EFCAB6: variants seen among roughly 807,000 people sequenced by gnomAD.
The protein encoded by EFCAB6 is EF-hand calcium-binding domain-containing protein 6.
EFCAB6 carries 156 observed loss-of-function variants against 169.8 expected under a neutral mutation model. That is an observed-to-expected ratio of 0.92 (90% CI 0.81 to 1.05). EFCAB6 has a LOEUF of 1.05. Ranked by LOEUF, EFCAB6 falls within the 50% of genes least tolerant of loss-of-function variation. The pLI, the probability that EFCAB6 is intolerant of heterozygous loss-of-function variation, is 0.00. For missense variants in EFCAB6, 1,800 were observed against 1,829.1 expected, an observed-to-expected ratio of 0.98 and a Z score of 0.29; for synonymous variants, 698 against 676.4, an observed-to-expected ratio of 1.03 and a Z score of -0.50.
At chr22:43,556,828 C>T (rs766293507) in intron 26 of EFCAB6, among the ~76,000 whole-genome samples, 13 of 152,194 alleles carry the variant, frequency 8.5e-5, no homozygotes, top group Non-Finnish European at 1.9e-4. Flanking sequence ...CATTTGGAGC[C>T]ATTTGTGAAG....
intron 2 of EFCAB6, chr22:43,802,635 C>A: frequency 4.1e-6 from 2 of 481,978 alleles, no homozygotes; most frequent in South Asian, 1.6e-5. Flanking sequence ...CCTAAAAGGG[C>A]CCCTACAAAG....
chr22:43,708,033 T>C (rs1173296943), intron 10 of EFCAB6, among the ~76,000 whole-genome samples: 2 of 83,098 alleles, frequency 2.4e-5, no homozygotes, highest in African/African-American at 9.7e-5. Context: ...AGAATAGAAA[T>C]AAGATATTTA....
At chr22:43,645,034 G>A (rs1341033549) in intron 17 of EFCAB6, among the ~76,000 whole-genome samples, 1 of 152,090 alleles carries the variant, frequency 6.6e-6, no homozygotes, top group East Asian at 1.9e-4. Flanking sequence ...GTAGGAATCC[G>A]GAAGTATTAG....
intron 9 of EFCAB6, among the ~76,000 whole-genome samples, chr22:43,711,861 A>T (rs17490039): frequency 0.049 from 7,450 of 152,314 alleles, 207 homozygotes; most frequent in African/African-American, 0.056. Flanking sequence ...GAAAAACAGC[A>T]CATAGAATAG....
At chr22:43,712,855 A>C (rs1569428265) in intron 9 of EFCAB6, among the ~76,000 whole-genome samples, 1 of 152,184 alleles carries the variant, frequency 6.6e-6, no homozygotes, top group African/African-American at 2.4e-5. Flanking sequence ...TAAGGTATGA[A>C]ACCGAAATAG....
chr22:43,589,218 C>G (rs1275597833), intron 24 of EFCAB6, among the ~76,000 whole-genome samples: 1 of 134,514 alleles, frequency 7.4e-6, no homozygotes, highest in Non-Finnish European at 1.5e-5. Context: ...AGATCGAGAC[C>G]ATCCTGGCTG....
At chr22:43,762,914 CTG>C (rs2061211846) in intron 5 of EFCAB6, among the ~76,000 whole-genome samples, 1 of 152,188 alleles carries the variant, frequency 6.6e-6, no homozygotes, top group African/African-American at 2.4e-5. Context: ...ACAAGACAAA[CTG>C]TCATTCTTTT....
intron 7 of EFCAB6, among the ~76,000 whole-genome samples, chr22:43,732,689 A>C (rs750744608): frequency 6.6e-6 from 1 of 151,772 alleles, no homozygotes; most frequent in Non-Finnish European, 1.5e-5. Context: ...CTGGTCTCGA[A>C]CTCCTGGCCT....
intron 12 of EFCAB6, among the ~76,000 whole-genome samples, chr22:43,681,991 T>A (rs527615200): frequency 6.6e-6 from 1 of 152,284 alleles, no homozygotes; most frequent in South Asian, 2.1e-4. Context: ...TCTAAAGCAG[T>A]CTTTTAAACA....
intron 8 of EFCAB6, among the ~76,000 whole-genome samples, chr22:43,723,645 A>G (rs1324128654): frequency 6.6e-6 from 1 of 152,230 alleles, no homozygotes; most frequent in Non-Finnish European, 1.5e-5. Flanking sequence ...TGCCTCTACA[A>G]TTCTTACATT....
At position 43,638,052 on chromosome 22, in the gene EFCAB6, A is replaced by G. The variant is rs1009934069; in HGVS notation, c.1984-2836T>C. On this transcript the variant is annotated intron_variant, in intron 17 of 31. Coordinates refer to ENST00000262726, the MANE Select transcript of EFCAB6 (RefSeq NM_022785.4). ...CAGCAGCCTGTCCAGCGGTCGCAGG[A>G]GCGTAATCCCCAGGGGCACGGAGCA... 2.0e-5 allele frequency among the ~76,000 whole-genome samples: 3 copies of G among 152,256 alleles called. No individual in the cohort carries two copies. The East Asian group carries it at 5.8e-4, about 30-fold the overall frequency.
intron 23 of EFCAB6, among the ~76,000 whole-genome samples, chr22:43,595,252 G>C (rs1413006553): frequency 6.6e-6 from 1 of 151,664 alleles, no homozygotes; most frequent in Non-Finnish European, 1.5e-5. Flanking sequence ...ACCTAAATTA[G>C]TAGAAAGGAA....
intron 12 of EFCAB6, among the ~76,000 whole-genome samples, chr22:43,679,383 T>C (rs974689806): frequency 2.0e-5 from 3 of 152,352 alleles, no homozygotes; most frequent in South Asian, 2.1e-4. Flanking sequence ...GTTTATTTTG[T>C]TACAAGTTGG....
At chr22:43,590,021 CCAGTATGTTTTT>C in intron 24 of EFCAB6, 41 bp downstream of exon 24, 1 of 1,579,854 alleles carries the variant, frequency 6.3e-7, no homozygotes, top group South Asian at 1.2e-5. Context: ...AGGCAATTCT[CCAGTATGTTTTT>C]CAGGGCCATG....
intron 8 of EFCAB6, among the ~76,000 whole-genome samples, chr22:43,728,020 C>T (rs937314318): frequency 3.9e-5 from 6 of 152,014 alleles, no homozygotes; most frequent in African/African-American, 1.4e-4. Context: ...AGGTTTTAAG[C>T]CCCACATGCA....
chr22:43,650,549 T>C (rs145018618), intron 17 of EFCAB6, among the ~76,000 whole-genome samples: 2 of 152,246 alleles, frequency 1.3e-5, no homozygotes, highest in African/African-American at 2.4e-5. Flanking sequence ...ATACAGTAAA[T>C]TGGTACCAGT....
At chr22:43,709,160 C>T (rs975029755) in intron 10 of EFCAB6, among the ~76,000 whole-genome samples, 2 of 152,170 alleles carry the variant, frequency 1.3e-5, no homozygotes, top group African/African-American at 4.8e-5. Flanking sequence ...TAGCTCACTG[C>T]AACCTCTGCC....
chr22:43,600,821 C>T (rs561528257), intron 22 of EFCAB6, among the ~76,000 whole-genome samples: 1 of 152,070 alleles, frequency 6.6e-6, no homozygotes, highest in Non-Finnish European at 1.5e-5. Context: ...GGCCACCATG[C>T]CCGGCTAATG....
intron 13 of EFCAB6, among the ~76,000 whole-genome samples, chr22:43,676,214 G>A (rs990151672): frequency 6.6e-6 from 1 of 151,828 alleles, no homozygotes; most frequent in Non-Finnish European, 1.5e-5. Context: ...TCAGGAGATC[G>A]AGACCATCCT....
Sources: gnomAD v4.1 joint callset for allele counts (sites outside exome capture counted in the v4.1 genomes callset) on GRCh38, gnomAD v4.1.1 for gene constraint, MANE v1.5 for transcripts, NCBI Gene and HGNC (gene_info 2026-07-23, HGNC 2026-07-21) for gene names.